Variants in CEP112 observed in about 807,000 individuals in gnomAD.
The protein encoded by CEP112 is centrosomal protein 112.
CEP112 carries 127 observed loss-of-function variants against 153.0 expected under a neutral mutation model. The ratio of observed to expected loss-of-function variants is 0.83; its 90% CI spans 0.72 to 0.96. The LOEUF is 0.96. Among genes scored for constraint, CEP112 ranks in the 40% least tolerant of loss-of-function variants. The probability of loss-of-function intolerance (pLI) is 0.00; values close to 1 mark genes in which losing one functional copy is unlikely to be tolerated. For missense variants in CEP112, 1,089 were observed against 1,101.2 expected (o/e 0.99, Z 0.16); for synonymous variants, 358 against 374.4 (o/e 0.96, Z 0.51).
intron 17 of CEP112, among the ~76,000 whole-genome samples, chr17:65,964,076 A>G (rs2062321319): frequency 6.6e-6 from 1 of 152,188 alleles, no homozygotes; most frequent in South Asian, 2.1e-4. Flanking sequence ...CAGTAACTGC[A>G]TTTTGCAGCA....
intron 8 of CEP112, among the ~76,000 whole-genome samples, chr17:66,094,787 C>T (rs1164367155): frequency 2.0e-5 from 3 of 152,040 alleles, no homozygotes; most frequent in Non-Finnish European, 4.4e-5. Flanking sequence ...ATATGGAACT[C>T]AAACAACTCA....
At chr17:66,087,366 GAATT>G (rs1445389402) in intron 8 of CEP112, among the ~76,000 whole-genome samples, 1 of 151,856 alleles carries the variant, frequency 6.6e-6, no homozygotes, top group African/African-American at 2.4e-5. Context: ...TCAACAGTAA[GAATT>G]AATACAAAAT....
intron 20 of CEP112, among the ~76,000 whole-genome samples, chr17:65,853,999 C>T (rs183373777): frequency 6.6e-6 from 1 of 152,248 alleles, no homozygotes; most frequent in Admixed American, 6.5e-5. Context: ...AGTGCTATAT[C>T]CTATACATGC....
intron 4 of CEP112, among the ~76,000 whole-genome samples, chr17:66,164,558 A>C (rs75317291): frequency 2.6e-3 from 2 of 778 alleles, no homozygotes; most frequent in African/African-American, 0.012. Context: ...CTCTATCTCA[A>C]AAAAAAAAAA....
chr17:65,971,447 A>T (rs562339613), intron 17 of CEP112, among the ~76,000 whole-genome samples: 1 of 68,046 alleles, frequency 1.5e-5, no homozygotes, highest in Non-Finnish European at 3.1e-5. Context: ...TGGATGCCGC[A>T]TGCATGCATA....
chr17:65,758,282 C>G (rs2052405502), intron 21 of CEP112, among the ~76,000 whole-genome samples: 1 of 152,166 alleles, frequency 6.6e-6, no homozygotes, highest in Non-Finnish European at 1.5e-5. Flanking sequence ...CTCCTCCAGA[C>G]AGTATTCAGT....
intron 17 of CEP112, among the ~76,000 whole-genome samples, chr17:65,970,857 A>G (rs2062733465): frequency 2.2e-5 from 1 of 45,666 alleles, no homozygotes; most frequent in Admixed American, 4.0e-4. Context: ...TGTCATGTAT[A>G]TCTGCATGCT....
intron 24 of CEP112, among the ~76,000 whole-genome samples, chr17:65,685,405 C>T (rs1282503736): frequency 2.0e-5 from 3 of 152,116 alleles, no homozygotes; most frequent in South Asian, 2.1e-4. Context: ...TGTAATTCTG[C>T]CAGTTTCAAT....
chr17:65,765,397 C>T (rs2145438727), intron 21 of CEP112, among the ~76,000 whole-genome samples: 1 of 152,060 alleles, frequency 6.6e-6, no homozygotes, highest in East Asian at 1.9e-4. Context: ...TCTTGGTAGG[C>T]TCTGTTAAGT....
intron 23 of CEP112, among the ~76,000 whole-genome samples, chr17:65,739,422 G>T (rs1317287606): frequency 6.6e-6 from 1 of 152,128 alleles, no homozygotes; most frequent in Admixed American, 6.5e-5. Context: ...ATTTTTAAAA[G>T]ATAGGGTGTT....
At chr17:66,085,137 T>G (rs1267169547) in intron 8 of CEP112, among the ~76,000 whole-genome samples, 1 of 152,232 alleles carries the variant, frequency 6.6e-6, no homozygotes, top group African/African-American at 2.4e-5. Flanking sequence ...GCATTCTCTA[T>G]ACCATTAATG....
At chr17:65,993,066 C>T (rs2063655061) in intron 17 of CEP112, among the ~76,000 whole-genome samples, 1 of 152,150 alleles carries the variant, frequency 6.6e-6, no homozygotes, top group Non-Finnish European at 1.5e-5. Context: ...CATGCATTAG[C>T]TATTTTTCCT....
At chr17:65,885,248 T>C (rs1248104163) in intron 20 of CEP112, among the ~76,000 whole-genome samples, 1 of 152,182 alleles carries the variant, frequency 6.6e-6, no homozygotes, top group Non-Finnish European at 1.5e-5. Context: ...CATTAAAAAT[T>C]ATCACTTTTT....
intron 23 of CEP112, among the ~76,000 whole-genome samples, chr17:65,718,696 G>A (rs2049694568): frequency 6.6e-6 from 1 of 152,180 alleles, no homozygotes; most frequent in South Asian, 2.1e-4. Flanking sequence ...TAACATGGAT[G>A]AAAGAAAAAC....
At chr17:65,742,178 A>C (rs1382445339) in intron 23 of CEP112, among the ~76,000 whole-genome samples, 1 of 152,134 alleles carries the variant, frequency 6.6e-6, no homozygotes, top group Non-Finnish European at 1.5e-5. Context: ...GATTGCCTGC[A>C]ACAGGCTATA....
In CEP112 at chr17:65,970,321, CAT is replaced by C. The variant is rs562442381; in HGVS notation, c.1737-8725_1737-8724del. On this transcript the variant is annotated intron_variant, in intron 17 of 26. Transcript: ENST00000535342. ...CTGCATGTGTATCTCATATGTAAAA[CAT>C]ATTGCATGCATATTACATGCATGTG... is the stretch of plus-strand genomic sequence containing the variant. 1.1e-3 allele frequency among the ~76,000 whole-genome samples: 163 copies of C among 146,874 alleles called. 8 individuals are homozygous for C. The highest frequency in any genetic ancestry group is 1.2e-3 in the Non-Finnish European group (80 of 67,680).
At chr17:66,043,069 T>TCTTTAAGGTAAGATC (rs1399380270) in intron 12 of CEP112, 1 of 980,158 alleles carries the variant, frequency 1.0e-6, no homozygotes, top group African/African-American at 1.8e-5. Flanking sequence ...CTTTTGGCAC[T>TCTTTAAGGTAAGATC]CTTTAAGGTA....
At chr17:66,135,069 AC>A (rs1455027700) in intron 4 of CEP112, among the ~76,000 whole-genome samples, 1 of 152,164 alleles carries the variant, frequency 6.6e-6, no homozygotes, top group Non-Finnish European at 1.5e-5. Context: ...TGGCCTCCAA[AC>A]CCATTACAAA....
intron 20 of CEP112, among the ~76,000 whole-genome samples, chr17:65,857,118 G>A (rs2058149357): frequency 6.6e-6 from 1 of 152,206 alleles, no homozygotes; most frequent in Non-Finnish European, 1.5e-5. Flanking sequence ...GTGTCTGAGG[G>A]AGAGAATACA....
Sources: gnomAD v4.1 joint callset for allele counts (sites outside exome capture counted in the v4.1 genomes callset) on GRCh38, gnomAD v4.1.1 for gene constraint, MANE v1.5 for transcripts, NCBI Gene and HGNC (gene_info 2026-07-23, HGNC 2026-07-21) for gene names.